Variants in RNLS observed in about 807,000 individuals in gnomAD.
RNLS encodes the protein renalase, FAD dependent amine oxidase.
Under a neutral mutation model 39.8 loss-of-function variants are expected in RNLS, and 39 were observed. The ratio of observed to expected loss-of-function variants is 0.98; its 90% confidence interval spans 0.76 to 1.28. RNLS has a LOEUF of 1.28. RNLS is among the 50% of genes most tolerant of loss of function. The pLI, the probability that RNLS is intolerant of heterozygous loss-of-function variation, is 0.00. For synonymous variants in RNLS, 147 were observed against 150.7 expected, an observed-to-expected ratio of 0.98 and a Z score of 0.18; for missense variants, 410 against 413.3, an observed-to-expected ratio of 0.99 and a Z score of 0.07.
intron 4 of RNLS, among the ~76,000 whole-genome samples, chr10:88,365,496 C>G (rs533844457): frequency 1.4e-5 from 2 of 146,720 alleles, no homozygotes; most frequent in East Asian, 4.0e-4. Context: ...TCATTTAATT[C>G]TCAGCCAATA....
intron 4 of RNLS, among the ~76,000 whole-genome samples, chr10:88,423,904 T>C (rs1243062636): frequency 6.6e-6 from 1 of 152,210 alleles, no homozygotes; most frequent in Non-Finnish European, 1.5e-5. Flanking sequence ...TGGTGCAGTG[T>C]TGAAGAGCTC....
At chr10:88,556,839 C>A (rs1487241336) in intron 4 of RNLS, among the ~76,000 whole-genome samples, 1 of 152,116 alleles carries the variant, frequency 6.6e-6, no homozygotes, top group Non-Finnish European at 1.5e-5. Context: ...TTCTATTTCT[C>A]CTATCTTGTT....
At chr10:88,530,016 T>A (rs1398927268) in intron 4 of RNLS, among the ~76,000 whole-genome samples, 2 of 152,232 alleles carry the variant, frequency 1.3e-5, no homozygotes, top group Non-Finnish European at 2.9e-5. Context: ...TGGTATCATA[T>A]GGCAAATAGA....
downstream of RNLS, among the ~76,000 whole-genome samples, chr10:88,283,200 G>A (rs1411488960): frequency 1.3e-5 from 2 of 151,896 alleles, no homozygotes; most frequent in African/African-American, 4.8e-5. Context: ...TTTCTAATGG[G>A]GAAGAATTGA....
At chr10:88,429,741 A>AT (rs1177486597) in intron 4 of RNLS, among the ~76,000 whole-genome samples, 1 of 151,780 alleles carries the variant, frequency 6.6e-6, no homozygotes, top group Non-Finnish European at 1.5e-5. Context: ...TTATTCTATA[A>AT]TTTTTTTCAT....
At chr10:88,195,114 T>C in the RNLS span, among the ~76,000 whole-genome samples, 4 of 152,206 alleles carry the variant, frequency 2.6e-5, no homozygotes, top group Admixed American at 1.3e-4. Flanking sequence ...CATCCCCTTT[T>C]CAAAATGCTT....
At chr10:88,345,615 C>T (rs924978786) in intron 5 of RNLS, among the ~76,000 whole-genome samples, 8 of 152,084 alleles carry the variant, frequency 5.3e-5, no homozygotes, top group Non-Finnish European at 8.8e-5. Context: ...TATGTGACAA[C>T]AATTATAAAG....
At chr10:88,445,508 G>A (rs1035496688) in intron 4 of RNLS, among the ~76,000 whole-genome samples, 1 of 152,132 alleles carries the variant, frequency 6.6e-6, no homozygotes, top group Non-Finnish European at 1.5e-5. Context: ...CCAATTAAAA[G>A]ACACAGACTG....
chr10:88,231,942 CTGTGTGTGTGTGTG>C, the RNLS span, among the ~76,000 whole-genome samples: 1 of 149,778 alleles, frequency 6.7e-6, no homozygotes, highest in African/African-American at 2.5e-5. Flanking sequence ...CACAGGATTT[CTGTGTGTGTGTGTG>C]TGTGTGTGTG....
At chr10:88,424,603 C>T (rs1343499849) in intron 4 of RNLS, among the ~76,000 whole-genome samples, 1 of 152,064 alleles carries the variant, frequency 6.6e-6, no homozygotes, top group Non-Finnish European at 1.5e-5. Flanking sequence ...CATCTAAAAA[C>T]AAATGGGACT....
chr10:88,522,963 G>A (rs554633753), intron 4 of RNLS, among the ~76,000 whole-genome samples: 3 of 152,140 alleles, frequency 2.0e-5, no homozygotes, highest in Admixed American at 1.3e-4. Flanking sequence ...GAGCTGGGAC[G>A]TACTGTTTGA....
At chr10:88,185,836 T>A in the RNLS span, among the ~76,000 whole-genome samples, 3 of 152,276 alleles carry the variant, frequency 2.0e-5, no homozygotes, top group East Asian at 5.8e-4. Context: ...TTAATTAATG[T>A]CCTTTAAAAT....
intron 4 of RNLS, among the ~76,000 whole-genome samples, chr10:88,418,944 T>G (rs1013770335): frequency 1.1e-4 from 17 of 152,144 alleles, no homozygotes; most frequent in African/African-American, 4.1e-4. Flanking sequence ...AAAAAGCAAT[T>G]TTCTTAATGA....
intron 2 of RNLS, 28 bp from the exon 3 acceptor site, chr10:88,581,737 T>C (rs368778204): frequency 6.3e-6 from 9 of 1,435,154 alleles, no homozygotes; most frequent in African/African-American, 1.5e-5. Flanking sequence ...GTATATTTAA[T>C]GTAATTATAT....
At chr10:88,356,312 G>A (rs1849181077) in intron 5 of RNLS, among the ~76,000 whole-genome samples, 1 of 152,192 alleles carries the variant, frequency 6.6e-6, no homozygotes, top group Non-Finnish European at 1.5e-5. Flanking sequence ...CGTTACTCAT[G>A]CCGGGAGCTG....
At chr10:88,386,484 T>C (rs1379235697) in intron 4 of RNLS, among the ~76,000 whole-genome samples, 1 of 152,240 alleles carries the variant, frequency 6.6e-6, no homozygotes, top group Non-Finnish European at 1.5e-5. Context: ...CAAATTCTTG[T>C]ACTGTTTCAG....
intron 4 of RNLS, among the ~76,000 whole-genome samples, chr10:88,414,560 T>G (rs996592451): frequency 6.6e-6 from 1 of 152,186 alleles, no homozygotes; most frequent in Admixed American, 6.6e-5. Flanking sequence ...ATTTATGGAT[T>G]TTGCTCACTG....
At chr10:88,272,078 C>T (rs1389344256), downstream of RNLS, among the ~76,000 whole-genome samples, 1 of 152,184 alleles carries the variant, frequency 6.6e-6, no homozygotes, top group African/African-American at 2.4e-5. Flanking sequence ...AACAGCCTGT[C>T]CCTCCTCAAG....
chr10:88,426,834 G>A (rs1041299063), intron 4 of RNLS, among the ~76,000 whole-genome samples: 1 of 151,904 alleles, frequency 6.6e-6, no homozygotes, highest in Non-Finnish European at 1.5e-5. Context: ...ATCCTAGGGG[G>A]TAACAGTAGT....
Sources: gnomAD v4.1 joint callset for allele counts (sites outside exome capture counted in the v4.1 genomes callset) on GRCh38, gnomAD v4.1.1 for gene constraint, MANE v1.5 for transcripts, NCBI Gene and HGNC (gene_info 2026-07-23, HGNC 2026-07-21) for gene names.